GRM7: variants seen among roughly 807,000 people sequenced by gnomAD.
The protein encoded by GRM7 is metabotropic glutamate receptor 7.
Under a neutral mutation model 84.5 loss-of-function variants are expected in GRM7, and 35 were observed. The ratio of observed to expected loss-of-function variants is 0.41; its 90% CI spans 0.32 to 0.55. GRM7 has a LOEUF of 0.55. Among genes scored for constraint, GRM7 ranks in the 20% least tolerant of loss-of-function variants. GRM7 has a pLI of 0.19. For missense variants in GRM7, 1,003 were observed against 1,194.6 expected (o/e 0.84, Z 2.36); for synonymous variants, 487 against 455.1 (o/e 1.07, Z -0.89).
intron 7 of GRM7, among the ~76,000 whole-genome samples, chr3:7,502,991 T>C (rs1305533193): frequency 6.6e-6 from 1 of 152,146 alleles, no homozygotes; most frequent in Non-Finnish European, 1.5e-5. Context: ...CCCACTTCTT[T>C]GCGTATACAA....
chr3:7,293,559 G>A (rs1016601438), intron 2 of GRM7, among the ~76,000 whole-genome samples: 9 of 152,084 alleles, frequency 5.9e-5, no homozygotes, highest in South Asian at 2.1e-4. Flanking sequence ...CTACTTGTTC[G>A]CTCCCCACAG....
chr3:7,036,156 G>T (rs557291162), intron 1 of GRM7, among the ~76,000 whole-genome samples: 1 of 152,248 alleles, frequency 6.6e-6, no homozygotes, highest in South Asian at 2.1e-4. Context: ...CACTATAGAG[G>T]TTATGGCATT....
intron 4 of GRM7, among the ~76,000 whole-genome samples, chr3:7,326,639 G>T (rs1415480086): frequency 6.6e-6 from 1 of 152,042 alleles, no homozygotes; most frequent in East Asian, 1.9e-4. Context: ...TCTGAGGTCA[G>T]GAGTTTGAGA....
At chr3:7,572,228 C>A (rs1694698062) in intron 7 of GRM7, among the ~76,000 whole-genome samples, 1 of 152,138 alleles carries the variant, frequency 6.6e-6, no homozygotes, top group Non-Finnish European at 1.5e-5. Context: ...CAGTGGTTCC[C>A]AACTTTGTCC....
chr3:7,544,125 G>A (rs1319338834), intron 7 of GRM7, among the ~76,000 whole-genome samples: 1 of 152,182 alleles, frequency 6.6e-6, no homozygotes, highest in Non-Finnish European at 1.5e-5. Context: ...GCATGCTCAC[G>A]CTTAGGCGTA....
At chr3:6,988,011 T>C (rs1020148675) in intron 1 of GRM7, among the ~76,000 whole-genome samples, 1 of 149,746 alleles carries the variant, frequency 6.7e-6, no homozygotes, top group African/African-American at 2.5e-5. Context: ...TTTTTTTTTT[T>C]TTTCAGACGG....
At chr3:7,603,459 A>G (rs1347257294) in intron 8 of GRM7, among the ~76,000 whole-genome samples, 2 of 152,148 alleles carry the variant, frequency 1.3e-5, no homozygotes, top group Non-Finnish European at 2.9e-5. Flanking sequence ...GATAGGCCAT[A>G]AATAGCACTG....
intron 1 of GRM7, among the ~76,000 whole-genome samples, chr3:7,099,219 T>TACATGTATTATACATGTATATATG (rs1698966122): frequency 2.9e-5 from 4 of 137,956 alleles, no homozygotes; most frequent in South Asian, 4.4e-4. Flanking sequence ...TTGCATATAA[T>TACATGTATTATACATGTATATATG]AATACATGTA....
chr3:7,604,996 C>A (rs1259766810), intron 8 of GRM7, among the ~76,000 whole-genome samples: 1 of 152,118 alleles, frequency 6.6e-6, no homozygotes, highest in Non-Finnish European at 1.5e-5. Context: ...ACAAATAATG[C>A]AATAAAATCT....
At chr3:7,495,510 C>T (rs1336231327) in intron 7 of GRM7, among the ~76,000 whole-genome samples, 2 of 152,090 alleles carry the variant, frequency 1.3e-5, no homozygotes, top group African/African-American at 2.4e-5. Context: ...AAAGAGGCTT[C>T]CTGGACCAAA....
chr3:7,552,991 C>G (rs564114722), intron 7 of GRM7, among the ~76,000 whole-genome samples: 1 of 152,344 alleles, frequency 6.6e-6, no homozygotes, highest in South Asian at 2.1e-4. Flanking sequence ...TTATGCTCTA[C>G]TTCCCTTTTA....
chr3:7,090,405 G>T (rs185964393), intron 1 of GRM7, among the ~76,000 whole-genome samples: 34 of 152,156 alleles, frequency 2.2e-4, no homozygotes, highest in African/African-American at 7.9e-4. Flanking sequence ...GAATGAGATA[G>T]TGGGATGAAT....
chr3:7,540,762 TA>T (rs750708890), intron 7 of GRM7, among the ~76,000 whole-genome samples: 1 of 152,128 alleles, frequency 6.6e-6, no homozygotes, highest in Non-Finnish European at 1.5e-5. Flanking sequence ...GAAGACAAAA[TA>T]GACTCCCTGA....
chr3:7,722,297 T>C (rs1399900666), intron 9 of GRM7, among the ~76,000 whole-genome samples: 1 of 152,208 alleles, frequency 6.6e-6, no homozygotes, highest in Non-Finnish European at 1.5e-5. Flanking sequence ...GTTCGTTAAA[T>C]ACAGTAACTC....
intron 1 of GRM7, among the ~76,000 whole-genome samples, chr3:6,898,049 C>T (rs1328805646): frequency 6.6e-6 from 1 of 152,116 alleles, no homozygotes; most frequent in Non-Finnish European, 1.5e-5. Context: ...GGGTGTTCTC[C>T]ATTGGTGAAC....
intron 2 of GRM7, among the ~76,000 whole-genome samples, chr3:7,238,416 T>C (rs1697422794): frequency 6.6e-6 from 1 of 151,778 alleles, no homozygotes; most frequent in African/African-American, 2.4e-5. Context: ...CTGTTCGAAA[T>C]TGAGCCTAGA....
chr3:6,865,308 G>C (rs186680255), intron 1 of GRM7, among the ~76,000 whole-genome samples: 1 of 152,186 alleles, frequency 6.6e-6, no homozygotes. Flanking sequence ...TATATAATAC[G>C]GTGACCAATG....
chr3:6,874,260 T>C (rs1029024977), intron 1 of GRM7, among the ~76,000 whole-genome samples: 9 of 152,222 alleles, frequency 5.9e-5, no homozygotes, highest in Admixed American at 5.2e-4. Context: ...TATCAGTAAG[T>C]AGCTGAACAA....
At chr3:7,404,063 T>G (rs1272886128) in intron 4 of GRM7, among the ~76,000 whole-genome samples, 1 of 152,170 alleles carries the variant, frequency 6.6e-6, no homozygotes, top group Non-Finnish European at 1.5e-5. Context: ...ATTCAGCTGG[T>G]CTGGTTTGGA....
Sources: gnomAD v4.1 joint callset for allele counts (sites outside exome capture counted in the v4.1 genomes callset) on GRCh38, gnomAD v4.1.1 for gene constraint, MANE v1.5 for transcripts, NCBI Gene and HGNC (gene_info 2026-07-23, HGNC 2026-07-21) for gene names.